The following KCNJ3 variants were observed in gnomAD, a reference collection of about 807,000 sequenced individuals.
The protein encoded by KCNJ3 is potassium inwardly rectifying channel subfamily J member 3, also known as G protein-activated inward rectifier potassium channel 1.
In KCNJ3, 4 loss-of-function variants were observed where a neutral mutation model predicts 39.2. The observed-to-expected ratio is 0.10, with a 90% CI of 0.05 to 0.23. The LOEUF (loss-of-function observed/expected upper bound fraction) is 0.23. Among genes scored for constraint, KCNJ3 ranks in the 10% least tolerant of loss-of-function variants. The pLI, the probability that KCNJ3 is intolerant of heterozygous loss-of-function variation, is 1.00. For synonymous variants in KCNJ3, 230 were observed against 237.4 expected, an observed-to-expected ratio of 0.97 and a Z score of 0.29; for missense variants, 276 against 634.9, an observed-to-expected ratio of 0.43 and a Z score of 6.08.
chr2:154,777,208 T>G (rs1026298946), intron 2 of KCNJ3, among the ~76,000 whole-genome samples: 2 of 152,236 alleles, frequency 1.3e-5, no homozygotes, highest in East Asian at 3.8e-4. Flanking sequence ...ACAGTTTTCA[T>G]TGAGAATGTT....
Position 154,698,697 on chromosome 2 carries a change from C to CT in KCNJ3, c.-78dup. On this transcript the variant is annotated 5_prime_UTR_variant, in exon 1 of 3. Coordinates refer to ENST00000295101, the MANE Select transcript of KCNJ3 (RefSeq NM_002239.4). ...GCCCCCTTTCCTCCCCCGCCCCCAC[C>CT]TCCTTATTGGTGCTAGTTTGCAGCG... 1 of 703,350 alleles carries CT rather than the reference C, an allele frequency of 1.4e-6. No homozygotes were observed. The highest frequency in any genetic ancestry group is 2.3e-6 in the Non-Finnish European group (1 of 430,836). The allele number at this position is 703,350 out of a possible 1,614,324, so 43.6% of individuals were successfully genotyped here.
chr2:154,742,285 G>A (rs1359888588), intron 2 of KCNJ3, among the ~76,000 whole-genome samples: 3 of 151,688 alleles, frequency 2.0e-5, no homozygotes, highest in Non-Finnish European at 2.9e-5. Context: ...CTGTTGATAG[G>A]TACTTGCATT....
intron 2 of KCNJ3, among the ~76,000 whole-genome samples, chr2:154,822,840 T>C (rs1466049458): frequency 6.6e-6 from 1 of 151,938 alleles, no homozygotes; most frequent in Non-Finnish European, 1.5e-5. Context: ...ACAGAAATAA[T>C]TTGTGGTACT....
intron 2 of KCNJ3, among the ~76,000 whole-genome samples, chr2:154,777,666 A>C (rs1172064519): frequency 6.6e-6 from 1 of 152,134 alleles, no homozygotes; most frequent in Non-Finnish European, 1.5e-5. Flanking sequence ...ATCCTGTTTA[A>C]ATACATAGGA....
intron 2 of KCNJ3, among the ~76,000 whole-genome samples, chr2:154,838,280 T>C (rs1005401173): frequency 6.6e-6 from 1 of 152,160 alleles, no homozygotes; most frequent in African/African-American, 2.4e-5. Context: ...TAGTAGTTTC[T>C]AGCTAATGGA....
chr2:154,734,704 G>A (rs1685496439), intron 2 of KCNJ3, among the ~76,000 whole-genome samples: 1 of 152,104 alleles, frequency 6.6e-6, no homozygotes, highest in African/African-American at 2.4e-5. Flanking sequence ...GGGTGAGGGA[G>A]GAGATGGAGA....
intron 2 of KCNJ3, among the ~76,000 whole-genome samples, chr2:154,819,703 G>A (rs941441553): frequency 1.3e-5 from 2 of 151,726 alleles, no homozygotes; most frequent in African/African-American, 4.8e-5. Context: ...GCTAATTTTT[G>A]TATTTTTAGT....
At chr2:154,847,146 T>C (rs535950418) in intron 2 of KCNJ3, among the ~76,000 whole-genome samples, 1 of 152,324 alleles carries the variant, frequency 6.6e-6, no homozygotes, top group Non-Finnish European at 1.5e-5. Flanking sequence ...TTAATGGCTT[T>C]GCAACCTGTA....
At chr2:154,793,313 A>G (rs921463798) in intron 2 of KCNJ3, among the ~76,000 whole-genome samples, 3 of 152,082 alleles carry the variant, frequency 2.0e-5, no homozygotes, top group African/African-American at 7.2e-5. Flanking sequence ...CACTGATGAC[A>G]GTGAATATTT....
At chr2:154,767,943 G>A (rs918541551) in intron 2 of KCNJ3, among the ~76,000 whole-genome samples, 4 of 152,108 alleles carry the variant, frequency 2.6e-5, no homozygotes, top group Admixed American at 2.0e-4. Flanking sequence ...GCCAGTGATG[G>A]TGAGCATTTT....
At chr2:154,794,145 A>G (rs948737824) in intron 2 of KCNJ3, among the ~76,000 whole-genome samples, 4 of 151,940 alleles carry the variant, frequency 2.6e-5, no homozygotes, top group Non-Finnish European at 5.9e-5. Context: ...GTCTTGGGCT[A>G]TTGGGTAAGA....
At chr2:154,760,870 G>A (rs1281640701) in intron 2 of KCNJ3, among the ~76,000 whole-genome samples, 1 of 149,668 alleles carries the variant, frequency 6.7e-6, no homozygotes, top group South Asian at 2.1e-4. Flanking sequence ...CCGAGTAGCT[G>A]GGACTACAGG....
intron 2 of KCNJ3, among the ~76,000 whole-genome samples, chr2:154,852,926 A>C (rs141654287): frequency 1.3e-5 from 2 of 152,142 alleles, no homozygotes; most frequent in African/African-American, 4.8e-5. Context: ...AACTGAGTTC[A>C]TAACTAAAAT....
intron 2 of KCNJ3, among the ~76,000 whole-genome samples, chr2:154,764,478 T>G (rs1316421496): frequency 6.6e-6 from 1 of 152,168 alleles, no homozygotes; most frequent in Non-Finnish European, 1.5e-5. Context: ...CATGAATAAT[T>G]AAAATAATAG....
intron 1 of KCNJ3, among the ~76,000 whole-genome samples, chr2:154,702,047 A>C (rs1684907713): frequency 6.6e-6 from 1 of 152,038 alleles, no homozygotes; most frequent in African/African-American, 2.4e-5. Flanking sequence ...TTTTCTCTTA[A>C]GAACTGAGAT....
In KCNJ3 at chr2:154,706,810, T is replaced by C. The variant is rs187194214; in HGVS notation, c.703-2793T>C. 2.9e-3 allele frequency among the ~76,000 whole-genome samples: 434 copies of C among 152,242 alleles called. 3 individuals are homozygous for C. Among genetic ancestry groups the C allele is most frequent in the African/African-American group, 9.7e-3 (404 of 41,574 alleles). On this transcript the variant is annotated intron_variant, in intron 1 of 2. Coordinates refer to ENST00000295101, the MANE Select transcript of KCNJ3 (RefSeq NM_002239.4). ...AGCATGTGACTGAACACTGCTAAGA[T>C]AAGTTCGCTGTAGTCAGAAGCTCAG...
At chr2:154,760,740 T>C (rs1409406753) in intron 2 of KCNJ3, among the ~76,000 whole-genome samples, 1 of 144,538 alleles carries the variant, frequency 6.9e-6, no homozygotes, top group South Asian at 2.2e-4. Flanking sequence ...TTTTTCTTTT[T>C]TTTTTTTTTT....
chr2:154,705,706 A>G (rs917985899), intron 1 of KCNJ3, among the ~76,000 whole-genome samples: 1 of 152,154 alleles, frequency 6.6e-6, no homozygotes, highest in African/African-American at 2.4e-5. Context: ...TATTGCCACA[A>G]CCAAAATTGT....
intron 2 of KCNJ3, among the ~76,000 whole-genome samples, chr2:154,818,778 G>GAAGTTTCA (rs2105108007): frequency 6.6e-6 from 1 of 152,228 alleles, no homozygotes; most frequent in African/African-American, 2.4e-5. Context: ...TACATGCATG[G>GAAGTTTCA]AAGTTTCAAA....
Sources: gnomAD v4.1 joint callset for allele counts (sites outside exome capture counted in the v4.1 genomes callset) on GRCh38, gnomAD v4.1.1 for gene constraint, MANE v1.5 for transcripts, NCBI Gene and HGNC (gene_info 2026-07-23, HGNC 2026-07-21) for gene names.